ANKS1B: variants seen among roughly 807,000 people sequenced by gnomAD.
ANKS1B encodes the protein ankyrin repeat and sterile alpha motif domain containing 1B.
Under a neutral mutation model 148.3 loss-of-function variants are expected in ANKS1B, and 36 were observed. The observed-to-expected ratio is 0.24, with a 90% CI of 0.19 to 0.32. The LOEUF is 0.32. ANKS1B is among the 10% of genes least tolerant of loss of function. ANKS1B has a pLI of 1.00. For missense variants in ANKS1B, 1,157 were observed against 1,542.6 expected (o/e 0.75, Z 4.19); for synonymous variants, 542 against 560.8 (o/e 0.97, Z 0.47).
Position 98,790,779 on chromosome 12 carries a change from G to C in ANKS1B, c.3342+8155C>G, listed in dbSNP as rs925947898. Among the ~76,000 whole-genome samples, 4 of 152,316 alleles carry C rather than the reference G, an allele frequency of 2.6e-5. No individual in the cohort carries two copies. In the South Asian group the frequency reaches 8.3e-4, roughly 32 times the overall value. ...CTATGATGGCAGGGAAATGGTGGTT[G>C]CAACAATGAACTTTCAGTGGATCAA... On this transcript the variant is annotated intron_variant, in intron 22 of 26. Coordinates refer to ENST00000683438, the MANE Select transcript of ANKS1B (RefSeq NM_001352186.2).
chr12:99,967,973 C>T (rs1246989281), intron 1 of ANKS1B, among the ~76,000 whole-genome samples: 3 of 150,966 alleles, frequency 2.0e-5, no homozygotes. Context: ...GAATAAAATG[C>T]CATATAGGAA....
intron 3 of ANKS1B, 63 bp from the exon 4 acceptor site, chr12:99,806,763 C>A: frequency 6.7e-7 from 1 of 1,484,318 alleles, no homozygotes. Flanking sequence ...AAAATCTTAA[C>A]ACAGTAATTT....
chr12:99,352,654 C>A (rs555678283), intron 12 of ANKS1B, among the ~76,000 whole-genome samples: 1 of 151,966 alleles, frequency 6.6e-6, no homozygotes, highest in African/African-American at 2.4e-5. Flanking sequence ...TCTTGAGAGG[C>A]CATCCCCATC....
At chr12:99,493,225 T>C (rs2096571430) in intron 10 of ANKS1B, among the ~76,000 whole-genome samples, 1 of 152,218 alleles carries the variant, frequency 6.6e-6, no homozygotes, top group Admixed American at 6.5e-5. Flanking sequence ...AAATAGTAGT[T>C]AAAAATCTGT....
intron 11 of ANKS1B, among the ~76,000 whole-genome samples, chr12:99,407,966 A>G (rs1339415315): frequency 6.8e-6 from 1 of 146,338 alleles, no homozygotes; most frequent in East Asian, 1.9e-4. Context: ...ACAAAATACT[A>G]ATGATATTCT....
At chr12:99,707,069 A>G (rs574766864) in intron 8 of ANKS1B, among the ~76,000 whole-genome samples, 1 of 152,272 alleles carries the variant, frequency 6.6e-6, no homozygotes, top group Non-Finnish European at 1.5e-5. Flanking sequence ...TAAGGCACTA[A>G]ATTTGTGGTA....
chr12:99,832,981 T>A (rs2084275005), intron 1 of ANKS1B, among the ~76,000 whole-genome samples: 1 of 152,210 alleles, frequency 6.6e-6, no homozygotes, highest in Non-Finnish European at 1.5e-5. Context: ...GCATTCCAAA[T>A]GCTTTATATG....
At chr12:99,885,527 T>A (rs565545470) in intron 1 of ANKS1B, among the ~76,000 whole-genome samples, 3 of 152,154 alleles carry the variant, frequency 2.0e-5, no homozygotes, top group East Asian at 3.9e-4. Context: ...ATGGTCTCAA[T>A]CTCCTGACCT....
At chr12:99,592,819 G>A (rs1393059176) in intron 9 of ANKS1B, among the ~76,000 whole-genome samples, 1 of 151,916 alleles carries the variant, frequency 6.6e-6, no homozygotes, top group African/African-American at 2.4e-5. Flanking sequence ...TACATTTTAG[G>A]GAGACAAAAA....
chr12:98,914,169 C>T (rs2099790804), intron 17 of ANKS1B, among the ~76,000 whole-genome samples: 3 of 152,146 alleles, frequency 2.0e-5, no homozygotes, highest in South Asian at 4.2e-4. Context: ...GATGAGTGAG[C>T]CATGAGATCT....
At chr12:99,113,670 C>G (rs903335943) in intron 15 of ANKS1B, among the ~76,000 whole-genome samples, 4 of 152,176 alleles carry the variant, frequency 2.6e-5, no homozygotes, top group African/African-American at 4.8e-5. Context: ...TTGTGCCTTT[C>G]TCTTCATCCA....
intron 9 of ANKS1B, among the ~76,000 whole-genome samples, chr12:99,626,857 C>T (rs1598378502): frequency 2.0e-5 from 3 of 152,178 alleles, no homozygotes; most frequent in South Asian, 2.1e-4. Flanking sequence ...TATTATGATC[C>T]GAAGGCACAT....
chr12:99,464,112 G>GAC (rs1226242916), intron 10 of ANKS1B, among the ~76,000 whole-genome samples: 2 of 152,136 alleles, frequency 1.3e-5, no homozygotes, highest in African/African-American at 4.8e-5. Flanking sequence ...GGAACGATCA[G>GAC]ACAGCAGCAT....
At chr12:99,506,399 A>G (rs902994858) in intron 9 of ANKS1B, among the ~76,000 whole-genome samples, 2 of 152,014 alleles carry the variant, frequency 1.3e-5, no homozygotes, top group Non-Finnish European at 2.9e-5. Flanking sequence ...CAGAGAGTCA[A>G]TTATGGTCAT....
chr12:99,608,138 T>G (rs1276997339), intron 9 of ANKS1B, among the ~76,000 whole-genome samples: 1 of 152,062 alleles, frequency 6.6e-6, no homozygotes, highest in Non-Finnish European at 1.5e-5. Context: ...ACAATGTACC[T>G]TGTTGCATGG....
intron 1 of ANKS1B, among the ~76,000 whole-genome samples, chr12:99,924,652 C>A (rs1249563138): frequency 6.6e-6 from 1 of 152,070 alleles, no homozygotes; most frequent in Non-Finnish European, 1.5e-5. Context: ...GGCATTAGCA[C>A]CTTTATTATA....
intron 16 of ANKS1B, among the ~76,000 whole-genome samples, chr12:99,062,798 A>G (rs979223694): frequency 5.3e-5 from 8 of 152,128 alleles, no homozygotes; most frequent in Non-Finnish European, 8.8e-5. Flanking sequence ...TAAAACAGTT[A>G]AGTTCCAGGG....
chr12:99,967,736 G>A (rs2095503095), intron 1 of ANKS1B, among the ~76,000 whole-genome samples: 1 of 151,676 alleles, frequency 6.6e-6, no homozygotes, highest in Non-Finnish European at 1.5e-5. Context: ...GTGAAACGCC[G>A]TCTCTACTAA....
At chr12:99,979,910 GCA>G (rs1491441086) in intron 1 of ANKS1B, among the ~76,000 whole-genome samples, 3 of 151,948 alleles carry the variant, frequency 2.0e-5, no homozygotes, top group Non-Finnish European at 4.4e-5. Context: ...TGGGGATATA[GCA>G]CAGTGTGTTG....
Sources: allele counts gnomAD v4.1 joint callset (sites outside exome capture counted in the v4.1 genomes callset), GRCh38; gene constraint gnomAD v4.1.1; transcripts MANE v1.5; gene names NCBI Gene and HGNC (gene_info 2026-07-23, HGNC 2026-07-21).